The following EVC2 variants were observed in gnomAD, a reference collection of about 807,000 sequenced individuals.
EVC2 encodes limbin.
Under a neutral mutation model 149.3 loss-of-function variants are expected in EVC2, and 148 were observed. The observed-to-expected ratio is 0.99, with a 90% CI of 0.87 to 1.14. EVC2 has a LOEUF of 1.14. Among genes scored for constraint, EVC2 ranks in the 50% most tolerant of loss-of-function variants. The pLI is 0.00. For missense variants in EVC2, 1,854 were observed against 1,627.3 expected (o/e 1.14, Z -2.40); for synonymous variants, 776 against 649.9 (o/e 1.19, Z -2.95).
At chr4:5,586,616 C>CTT (rs1345607963) in intron 16 of EVC2, among the ~76,000 whole-genome samples, 3 of 151,992 alleles carry the variant, frequency 2.0e-5, no homozygotes, top group African/African-American at 7.2e-5. Flanking sequence ...TACCTGGAGG[C>CTT]TTCATCTGCA....
At chr4:5,697,410 G>A (rs936444604) in intron 2 of EVC2, among the ~76,000 whole-genome samples, 183 bp downstream of exon 2, 2 of 152,166 alleles carry the variant, frequency 1.3e-5, no homozygotes, top group African/African-American at 2.4e-5. Context: ...CTAACGCTTC[G>A]GCCAGCTTTG....
At chr4:5,597,534 C>T (rs879316127) in intron 16 of EVC2, among the ~76,000 whole-genome samples, 8,138 of 116,060 alleles carry the variant, frequency 0.07, no homozygotes, top group East Asian at 0.1. Flanking sequence ...ATGCTAAAAA[C>T]TCTCAATAAA....
intron 19 of EVC2, among the ~76,000 whole-genome samples, chr4:5,574,010 C>T (rs1057168449): frequency 3.3e-5 from 5 of 152,238 alleles, no homozygotes; most frequent in Non-Finnish European, 7.3e-5. Flanking sequence ...TGAGAAGGAA[C>T]TGTGGAAAGA....
intron 16 of EVC2, among the ~76,000 whole-genome samples, chr4:5,597,497 G>A (rs1306887146): frequency 6.0e-4 from 91 of 150,816 alleles, no homozygotes; most frequent in African/African-American, 1.9e-3. Flanking sequence ...TGCAGAAAAG[G>A]CCTTTGACAA....
rs1257115081 is a variant in EVC2, at chr4:5,640,416, G to A, written c.1470+98C>T. 21 of 1,413,474 alleles carry A rather than the reference G, an allele frequency of 1.5e-5. No individual in the cohort carries two copies. Among genetic ancestry groups the A allele is most frequent in the Non-Finnish European group, 8.0e-6 (8 of 999,180 alleles). 87.6% of individuals were successfully genotyped at this position (1,413,474 alleles called of 1,614,324 possible). On this transcript the variant is annotated intron_variant, in intron 10 of 21. Coordinates refer to ENST00000344408, the MANE Select transcript of EVC2 (RefSeq NM_147127.5). The surrounding 1 kb of genome is among the most constrained non-coding windows in gnomAD (Gnocchi z 4.6). ...TGGTTGGATGGATGATGGGTAGACG[G>A]ATGGAGGAGGCAAATGGACAGATGA...
chr4:5,537,412 G>A, the EVC2 span, among the ~76,000 whole-genome samples: 2 of 152,126 alleles, frequency 1.3e-5, no homozygotes, highest in East Asian at 3.9e-4. Flanking sequence ...CACACCAGCC[G>A]GGAAATAGTG....
Position 5,682,497 on chromosome 4 carries a change from A to T in EVC2, c.817-1184T>A, listed in dbSNP as rs563089015. Among the ~76,000 whole-genome samples, 82 of 150,940 alleles carry T rather than the reference A, an allele frequency of 5.4e-4. 1 individual carries two copies. Among genetic ancestry groups the T allele is most frequent in the African/African-American group, 1.5e-3 (61 of 41,076 alleles). On this transcript the variant is annotated intron_variant, in intron 6 of 21. Coordinates refer to ENST00000344408, the MANE Select transcript of EVC2 (RefSeq NM_147127.5). ...AAGAGTGAAATGCTGTCTCAAAAAA[A>T]AAAAATAATAATAATAATAAAATTT...
the EVC2 span, among the ~76,000 whole-genome samples, chr4:5,530,525 G>A: frequency 3.8e-4 from 29 of 75,532 alleles, no homozygotes; most frequent in Admixed American, 1.1e-3. Context: ...CAGTTACCGC[G>A]TGTGTGTGTG....
chr4:5,652,058 G>A (rs1292705757), intron 9 of EVC2, among the ~76,000 whole-genome samples: 6 of 152,352 alleles, frequency 3.9e-5, no homozygotes, highest in East Asian at 3.9e-4. Context: ...GGAAGCTGGC[G>A]AAGGCTTTTC....
intron 21 of EVC2, among the ~76,000 whole-genome samples, chr4:5,552,916 C>T (rs960750843): frequency 2.0e-5 from 3 of 152,296 alleles, no homozygotes; most frequent in South Asian, 4.1e-4. Flanking sequence ...GGAAAAGAGG[C>T]ACGATACAGT....
Position 5,562,916 on chromosome 4 carries a change from C to A in EVC2, c.3859G>T (p.Val1287Phe), listed in dbSNP as rs771435248. Residue 1287 changes from valine (V) to phenylalanine (F), a missense_variant, in exon 22 of 22, where the codon GTT becomes TTT. Transcript: ENST00000344408. This position sits in a 1 kb window ranked among gnomAD's most constrained non-coding sequence, Gnocchi z 4.3. ...NPKEPEISLH[V>F]PPRKKKNFLN... ...AAGTTCTTCTTTTTCCTGGGAGGAA[C>A]GTGCAGTGAGATCTCTGGCTCCTTT... The A allele has an allele frequency of 6.2e-7, 1 of 1,614,144 alleles. No homozygotes were observed.
At chr4:5,697,758 T>C (rs1436681173) in intron 1 of EVC2, 111 bp from the exon 2 acceptor site, 1 of 1,014,486 alleles carries the variant, frequency 9.9e-7, no homozygotes, top group Non-Finnish European at 1.5e-6. Flanking sequence ...TTTTTTTTTT[T>C]TTTCTGAGAC....
intron 12 of EVC2, among the ~76,000 whole-genome samples, chr4:5,626,796 T>G (rs748752471): frequency 1.3e-5 from 2 of 152,168 alleles, no homozygotes; most frequent in East Asian, 3.9e-4. Flanking sequence ...GAGGAATTTG[T>G]CCCTTTTTTT....
intron 6 of EVC2, 52 bp from the exon 7 acceptor site, chr4:5,681,365 G>A (rs747317097): frequency 5.0e-5 from 79 of 1,587,432 alleles, no homozygotes; most frequent in East Asian, 8.9e-5. Context: ...GGTCTGACAC[G>A]TGGGATAACA....
At chr4:5,683,057 C>T (rs2151725928) in intron 6 of EVC2, among the ~76,000 whole-genome samples, 1 of 152,324 alleles carries the variant, frequency 6.6e-6, no homozygotes, top group East Asian at 1.9e-4. Flanking sequence ...GTGGGACTTC[C>T]CAAATCCACT....
intron 9 of EVC2, among the ~76,000 whole-genome samples, chr4:5,655,012 G>A (rs189905290): frequency 8.5e-5 from 13 of 152,296 alleles, no homozygotes; most frequent in East Asian, 3.9e-4. Context: ...CGTGCCTAGC[G>A]CTGAAGGAGA....
downstream of EVC2, among the ~76,000 whole-genome samples, chr4:5,561,327 G>A (rs1162956494): frequency 6.6e-6 from 1 of 152,142 alleles, no homozygotes; most frequent in Admixed American, 6.5e-5. Context: ...GACCATGCAT[G>A]CTCCACTCTG....
intron 16 of EVC2, among the ~76,000 whole-genome samples, chr4:5,612,321 T>C (rs768130285): frequency 2.0e-5 from 3 of 152,178 alleles, no homozygotes; most frequent in Non-Finnish European, 4.4e-5. Context: ...TCTTGAAAAC[T>C]GGGTTCTGAT....
chr4:5,603,604 A>G (rs1714162960), intron 16 of EVC2, among the ~76,000 whole-genome samples: 1 of 152,198 alleles, frequency 6.6e-6, no homozygotes, highest in Non-Finnish European at 1.5e-5. Flanking sequence ...AGCTGCAGAA[A>G]CAGAATAGGA....
Sources: allele counts gnomAD v4.1 joint callset (sites outside exome capture counted in the v4.1 genomes callset), GRCh38; gene constraint gnomAD v4.1.1; non-coding constraint Gnocchi (gnomAD v3.1); transcripts MANE v1.5; gene names NCBI Gene and HGNC (gene_info 2026-07-23, HGNC 2026-07-21).